Variants in TPD52 observed in about 807,000 individuals in gnomAD.
TPD52 encodes tumor protein D52, also known as prostate and colon associated protein.
Under a neutral mutation model 31.3 loss-of-function variants are expected in TPD52, and 17 were observed. The observed-to-expected ratio is 0.54, with a 90% CI of 0.37 to 0.82. The LOEUF (loss-of-function observed/expected upper bound fraction) is 0.82, where lower values mean the gene tolerates loss of function less well. Ranked by LOEUF, TPD52 falls within the 40% of genes least tolerant of loss-of-function variation. The pLI, the probability that TPD52 is intolerant of heterozygous loss-of-function variation, is 0.00. For missense variants in TPD52, 212 were observed against 240.1 expected, an observed-to-expected ratio of 0.88 and a Z score of 0.77; for synonymous variants, 83 against 89.6, an observed-to-expected ratio of 0.93 and a Z score of 0.42.
chr8:80,128,832 C>T (rs1808818349), intron 1 of TPD52, among the ~76,000 whole-genome samples: 1 of 151,220 alleles, frequency 6.6e-6, no homozygotes, highest in African/African-American at 2.4e-5. Flanking sequence ...GAATTCACTT[C>T]TTCATTTGTT....
chr8:80,059,174 A>G (rs1812224286), intron 2 of TPD52, among the ~76,000 whole-genome samples: 1 of 152,202 alleles, frequency 6.6e-6, no homozygotes, highest in Non-Finnish European at 1.5e-5. Context: ...ATTCACAACT[A>G]TGTAATAATC....
At chr8:80,094,018 G>C (rs182267955) in intron 1 of TPD52, among the ~76,000 whole-genome samples, 3 of 152,276 alleles carry the variant, frequency 2.0e-5, no homozygotes, top group Admixed American at 1.3e-4. Context: ...AATAACTGCT[G>C]TATTAATCAC....
intron 1 of TPD52, among the ~76,000 whole-genome samples, chr8:80,130,339 G>C (rs751366188): frequency 6.6e-6 from 1 of 152,146 alleles, no homozygotes; most frequent in East Asian, 1.9e-4. Flanking sequence ...GTCATTACAC[G>C]GCTTAAAATC....
intron 1 of TPD52, among the ~76,000 whole-genome samples, chr8:80,089,313 G>A (rs372039058): frequency 3.3e-5 from 5 of 152,276 alleles, no homozygotes; most frequent in Non-Finnish European, 5.9e-5. Flanking sequence ...CCCAGCAGGA[G>A]TTGTAAAGGA....
chr8:80,051,401 T>C, intron 4 of TPD52, 126 bp downstream of exon 4: 1 of 803,410 alleles, frequency 1.2e-6, no homozygotes, highest in Non-Finnish European at 2.1e-6. Flanking sequence ...TTTGAAGGAG[T>C]GCCCTCCCTC....
At chr8:80,118,700 G>C (rs1242041114) in intron 1 of TPD52, among the ~76,000 whole-genome samples, 2 of 152,122 alleles carry the variant, frequency 1.3e-5, no homozygotes, top group African/African-American at 4.8e-5. Flanking sequence ...TAGACATCAG[G>C]GAGATGCAAA....
At chr8:80,042,329 A>C (rs945517078) in intron 7 of TPD52, 7 of 985,356 alleles carry the variant, frequency 7.1e-6, no homozygotes, top group Admixed American at 1.2e-4. Context: ...CCACCTACAA[A>C]GGTACTTGAA....
In TPD52 at chr8:80,086,079, G is replaced by A. The variant is rs544027943; in HGVS notation, c.20-21486C>T. Among the ~76,000 whole-genome samples the A allele has an allele frequency of 1.5e-4, 17 of 115,994 alleles. No homozygotes were observed. The South Asian group carries it at 4.0e-3, about 27-fold the overall frequency. The allele number at this position is 115,994 out of a possible 152,430, so 76.1% of individuals were successfully genotyped here. ...CAAAACAAGTTTTTGTTGGGGTTTT[G>A]TTGTTGCTTCGGGTTTTTTTGCTTT... On this transcript the variant is annotated intron_variant, in intron 1 of 7. Coordinates refer to ENST00000518937, the MANE Select transcript of TPD52 (RefSeq NM_001025253.3).
At chr8:80,088,486 T>C (rs1234378410) in intron 1 of TPD52, among the ~76,000 whole-genome samples, 1 of 152,148 alleles carries the variant, frequency 6.6e-6, no homozygotes, top group Non-Finnish European at 1.5e-5. Context: ...GTCATTTTCC[T>C]CTCACTGCAT....
At chr8:80,074,672 G>A (rs1814308664) in intron 1 of TPD52, among the ~76,000 whole-genome samples, 1 of 152,198 alleles carries the variant, frequency 6.6e-6, no homozygotes, top group Non-Finnish European at 1.5e-5. Context: ...TGCCCACAGT[G>A]GGGCAAAACT....
At chr8:80,084,814 G>A (rs903617276) in intron 1 of TPD52, among the ~76,000 whole-genome samples, 2 of 152,048 alleles carry the variant, frequency 1.3e-5, no homozygotes, top group Admixed American at 1.3e-4. Context: ...CCCTTTTCCT[G>A]TAAGTTCCTA....
intron 2 of TPD52, among the ~76,000 whole-genome samples, chr8:80,054,072 G>C (rs1281521489): frequency 1.3e-5 from 2 of 152,210 alleles, no homozygotes; most frequent in East Asian, 3.9e-4. Context: ...ACTTGACTAG[G>C]TGGTTAGAGG....
chr8:80,086,872 C>A (rs1815822950), intron 1 of TPD52, among the ~76,000 whole-genome samples: 1 of 68,478 alleles, frequency 1.5e-5, no homozygotes, highest in Non-Finnish European at 2.5e-5. Flanking sequence ...GAGACGCTGT[C>A]TCAACAAAAA....
intron 1 of TPD52, among the ~76,000 whole-genome samples, chr8:80,137,416 T>C (rs1256502328): frequency 1.7e-5 from 2 of 117,540 alleles, no homozygotes; most frequent in East Asian, 9.8e-4. Context: ...AACTATATGT[T>C]AGATTTTTTT....
intron 1 of TPD52, among the ~76,000 whole-genome samples, chr8:80,105,253 G>A (rs1469115178): frequency 2.0e-5 from 3 of 152,064 alleles, no homozygotes; most frequent in Non-Finnish European, 1.5e-5. Context: ...AAAGAAAGAA[G>A]TAAAAACTAA....
chr8:80,088,895 C>T (rs1174956263), intron 1 of TPD52, among the ~76,000 whole-genome samples: 1 of 152,146 alleles, frequency 6.6e-6, no homozygotes, highest in African/African-American at 2.4e-5. Context: ...CGGGGTTTCA[C>T]TGCATTAGCC....
chr8:80,046,115 A>T (rs1482797465), intron 5 of TPD52, among the ~76,000 whole-genome samples: 1 of 152,176 alleles, frequency 6.6e-6, no homozygotes, highest in East Asian at 1.9e-4. Flanking sequence ...CACTTTACCT[A>T]GCATGTACCT....
At chr8:80,038,828 C>G (rs1373590981) in intron 7 of TPD52, among the ~76,000 whole-genome samples, 1 of 152,176 alleles carries the variant, frequency 6.6e-6, no homozygotes, top group Non-Finnish European at 1.5e-5. Context: ...GAACAAAATC[C>G]CTGAGTTGTT....
chr8:80,061,750 A>G (rs1207503399), intron 2 of TPD52, among the ~76,000 whole-genome samples: 1 of 152,216 alleles, frequency 6.6e-6, no homozygotes, highest in African/African-American at 2.4e-5. Flanking sequence ...AGATCAAGAT[A>G]TAATATTCAG....
Sources: gnomAD v4.1 joint callset for allele counts (sites outside exome capture counted in the v4.1 genomes callset) on GRCh38, gnomAD v4.1.1 for gene constraint, MANE v1.5 for transcripts, NCBI Gene and HGNC (gene_info 2026-07-23, HGNC 2026-07-21) for gene names.